Variants in TAFA1 observed in about 807,000 individuals in gnomAD.
TAFA1 encodes TAFA chemokine like family member 1, also known as chemokine-like protein TAFA-1.
TAFA1 carries 4 observed loss-of-function variants against 18.5 expected under a neutral mutation model. The observed-to-expected ratio is 0.22, with a 90% CI of 0.11 to 0.49. The LOEUF (loss-of-function observed/expected upper bound fraction) is 0.49. Among genes scored for constraint, TAFA1 ranks in the 20% least tolerant of loss-of-function variants. TAFA1 has a pLI of 0.98. For synonymous variants in TAFA1, 56 were observed against 55.2 expected (o/e 1.01, Z -0.06); for missense variants, 147 against 169.0 (o/e 0.87, Z 0.72).
chr3:68,228,711 A>G (rs1446345293), intron 2 of TAFA1, among the ~76,000 whole-genome samples: 7 of 152,220 alleles, frequency 4.6e-5, no homozygotes, highest in Admixed American at 3.9e-4. Context: ...TGCAAGTTTA[A>G]TGGACTTAAA....
chr3:68,373,715 C>A (rs1444742023), intron 2 of TAFA1, among the ~76,000 whole-genome samples: 1 of 152,190 alleles, frequency 6.6e-6, no homozygotes, highest in South Asian at 2.1e-4. Context: ...TTTCATTTTA[C>A]ATCAAGATAC....
intron 3 of TAFA1, among the ~76,000 whole-genome samples, chr3:68,515,292 A>G (rs2072904704): frequency 6.6e-6 from 1 of 152,186 alleles, no homozygotes; most frequent in Admixed American, 6.5e-5. Flanking sequence ...GGTTACATTC[A>G]TTTGTTCAAG....
chr3:68,220,191 T>C (rs973147066), intron 2 of TAFA1, among the ~76,000 whole-genome samples: 3 of 152,190 alleles, frequency 2.0e-5, no homozygotes, highest in Non-Finnish European at 2.9e-5. Context: ...ACTCAAGATG[T>C]GAAATTTATA....
At chr3:68,108,672 A>G (rs1384049610) in intron 2 of TAFA1, among the ~76,000 whole-genome samples, 3 of 152,124 alleles carry the variant, frequency 2.0e-5, no homozygotes, top group Admixed American at 1.3e-4. Context: ...AATTTTTAAC[A>G]TCTGGAGAAT....
intron 2 of TAFA1, among the ~76,000 whole-genome samples, chr3:68,301,998 A>G (rs970435890): frequency 6.6e-6 from 1 of 152,122 alleles, no homozygotes; most frequent in Admixed American, 6.5e-5. Context: ...ATTTTATCCT[A>G]GTTCTTTTGT....
At chr3:68,030,045 C>A (rs1330302036) in intron 2 of TAFA1, among the ~76,000 whole-genome samples, 1 of 152,076 alleles carries the variant, frequency 6.6e-6, no homozygotes, top group Non-Finnish European at 1.5e-5. Flanking sequence ...GCTGAATTCC[C>A]ATCTAAATAA....
chr3:68,145,275 C>T (rs2065724637), intron 2 of TAFA1: 1 of 788,736 alleles, frequency 1.3e-6, no homozygotes, highest in African/African-American at 1.7e-5. Context: ...GGGATCTATA[C>T]AACCATCAAC....
At position 68,313,859 on chromosome 3, in the gene TAFA1, T is replaced by A. The variant is rs17047486; in HGVS notation, c.119-103421T>A. On this transcript the variant is annotated intron_variant, in intron 2 of 4. Transcript: ENST00000478136. ...AGTTAAAGTCAATTTCCATAGAAGC[T>A]AGAAGTGGAGAAATGTGTGTTTTAA... 2.1e-3 allele frequency among the ~76,000 whole-genome samples: 326 copies of A among 152,338 alleles called. 9 individuals carry two copies. The East Asian group carries it at 0.054, about 25-fold the overall frequency.
intron 2 of TAFA1, among the ~76,000 whole-genome samples, chr3:68,205,777 G>C (rs2066519903): frequency 1.3e-5 from 2 of 151,774 alleles, no homozygotes. Context: ...AGAACAATTA[G>C]TCACAAAATT....
intron 2 of TAFA1, among the ~76,000 whole-genome samples, chr3:68,259,880 C>CA (rs1225577584): frequency 6.6e-6 from 1 of 152,082 alleles, no homozygotes; most frequent in Non-Finnish European, 1.5e-5. Flanking sequence ...ATGTCATCTG[C>CA]AAACAGGGAC....
At chr3:68,532,405 A>C (rs2106776934) in intron 3 of TAFA1, among the ~76,000 whole-genome samples, 1 of 152,282 alleles carries the variant, frequency 6.6e-6, no homozygotes, top group East Asian at 1.9e-4. Flanking sequence ...AGACTTTAAA[A>C]GTGTCAGACA....
At chr3:68,263,760 C>A (rs2067484987) in intron 2 of TAFA1, among the ~76,000 whole-genome samples, 1 of 152,122 alleles carries the variant, frequency 6.6e-6, no homozygotes, top group Non-Finnish European at 1.5e-5. Flanking sequence ...GGGCACCCAG[C>A]ATCCTTAGTC....
At chr3:68,135,133 A>G (rs1378538881) in intron 2 of TAFA1, among the ~76,000 whole-genome samples, 1 of 152,184 alleles carries the variant, frequency 6.6e-6, no homozygotes, top group African/African-American at 2.4e-5. Context: ...ATTTCAGCCA[A>G]GTAAGACTCT....
At chr3:68,383,125 A>G (rs139595558) in intron 2 of TAFA1, among the ~76,000 whole-genome samples, 1 of 152,106 alleles carries the variant, frequency 6.6e-6, no homozygotes, top group Non-Finnish European at 1.5e-5. Context: ...GGTTTTCTAG[A>G]TATAGGATCA....
At chr3:68,285,906 C>T (rs998000468) in intron 2 of TAFA1, among the ~76,000 whole-genome samples, 1 of 152,094 alleles carries the variant, frequency 6.6e-6, no homozygotes, top group African/African-American at 2.4e-5. Context: ...GAGACTGAAA[C>T]ATTCAGCACA....
chr3:68,424,050 A>G (rs567750675), intron 3 of TAFA1, among the ~76,000 whole-genome samples: 1 of 152,228 alleles, frequency 6.6e-6, no homozygotes, highest in Non-Finnish European at 1.5e-5. Flanking sequence ...GGCAGTGAAA[A>G]CCCAAGTTTA....
intron 2 of TAFA1, among the ~76,000 whole-genome samples, chr3:68,344,499 G>T (rs918660055): frequency 1.3e-5 from 2 of 152,176 alleles, no homozygotes; most frequent in African/African-American, 4.8e-5. Context: ...GTACAGACGT[G>T]TGTGATGACA....
chr3:68,110,948 G>C (rs141842172), intron 2 of TAFA1, among the ~76,000 whole-genome samples: 21 of 152,260 alleles, frequency 1.4e-4, no homozygotes, highest in African/African-American at 5.1e-4. Context: ...CAAAGGTAAA[G>C]CAGACATCAC....
intron 2 of TAFA1, among the ~76,000 whole-genome samples, chr3:68,389,182 G>A (rs1030356662): frequency 2.0e-5 from 3 of 152,154 alleles, no homozygotes; most frequent in African/African-American, 4.8e-5. Context: ...CTTTGTATGT[G>A]TAAAACCATG....
Sources: allele counts gnomAD v4.1 joint callset (sites outside exome capture counted in the v4.1 genomes callset), GRCh38; gene constraint gnomAD v4.1.1; transcripts MANE v1.5; gene names NCBI Gene and HGNC (gene_info 2026-07-23, HGNC 2026-07-21).